Variants in SLC35D1 observed in about 807,000 individuals in gnomAD.
The protein encoded by SLC35D1 is nucleotide sugar transporter SLC35D1.
A neutral mutation model predicts 46.7 loss-of-function variants in SLC35D1; 31 were observed. The ratio of observed to expected loss-of-function variants is 0.66; its 90% CI spans 0.50 to 0.90. The LOEUF (loss-of-function observed/expected upper bound fraction) is 0.90. Among genes scored for constraint, SLC35D1 ranks in the 40% least tolerant of loss-of-function variants. The probability of loss-of-function intolerance (pLI) is 0.00; values close to 1 mark genes in which losing one functional copy is unlikely to be tolerated. For missense variants in SLC35D1, 397 were observed against 426.2 expected, an observed-to-expected ratio of 0.93 and a Z score of 0.60; for synonymous variants, 195 against 164.6, an observed-to-expected ratio of 1.18 and a Z score of -1.41.
the SLC35D1 span, among the ~76,000 whole-genome samples, chr1:66,975,475 G>T: frequency 3.9e-5 from 6 of 152,016 alleles, no homozygotes; most frequent in African/African-American, 1.4e-4. Flanking sequence ...TGCAGTTAGC[G>T]GTTTGGTGCC....
chr1:67,033,450 A>T (rs1233431058), intron 8 of SLC35D1, among the ~76,000 whole-genome samples: 2 of 152,040 alleles, frequency 1.3e-5, no homozygotes, highest in Non-Finnish European at 2.9e-5. Context: ...ATCTCATTGT[A>T]GTTTTGGTTT....
At chr1:67,018,392 C>CA (rs1428609845) in intron 10 of SLC35D1, among the ~76,000 whole-genome samples, 1 of 152,054 alleles carries the variant, frequency 6.6e-6, no homozygotes, top group South Asian at 2.1e-4. Flanking sequence ...CCATGCTGCT[C>CA]AAAATCAGAA....
At chr1:66,990,868 TGAAG>T in the SLC35D1 span, among the ~76,000 whole-genome samples, 1 of 152,206 alleles carries the variant, frequency 6.6e-6, no homozygotes, top group Non-Finnish European at 1.5e-5. Flanking sequence ...GTAAGCCTCC[TGAAG>T]GGGAGGGTCG....
chr1:66,989,257 T>C, the SLC35D1 span, among the ~76,000 whole-genome samples: 1 of 152,188 alleles, frequency 6.6e-6, no homozygotes, highest in East Asian at 1.9e-4. Flanking sequence ...GGACGCCTAA[T>C]GCAAATTTGG....
At position 67,038,386 on chromosome 1, in the gene SLC35D1, G is replaced by C. The variant is rs1039849211; in HGVS notation, c.729+3850C>G. Among the ~76,000 whole-genome samples the C allele has an allele frequency of 2.0e-5, 3 of 152,142 alleles. No homozygotes were observed. In the East Asian group the frequency reaches 5.8e-4, roughly 29 times the overall value. ...TAACTCCCCTAAACCATGTAATTTA[G>C]CCAGTGATATAATGGAGACATTATA... On this transcript the variant is annotated intron_variant, in intron 8 of 11. Transcript: ENST00000235345.
chr1:66,997,517 AAAAT>A (rs1270097355), downstream of SLC35D1, among the ~76,000 whole-genome samples: 9 of 24,164 alleles, frequency 3.7e-4, no homozygotes, highest in African/African-American at 9.2e-4. Context: ...AAAAAAAAAA[AAAAT>A]ATATATATAT....
the SLC35D1 span, chr1:66,982,047 C>CA: frequency 1.2e-6 from 1 of 844,210 alleles, no homozygotes; most frequent in Admixed American, 2.4e-5. Flanking sequence ...ACACATGAGA[C>CA]AAACATAACA....
intron 1 of SLC35D1, among the ~76,000 whole-genome samples, chr1:67,053,548 G>T (rs1645334375): frequency 6.6e-6 from 1 of 152,076 alleles, no homozygotes; most frequent in Non-Finnish European, 1.5e-5. Context: ...TTTTCGGGGC[G>T]GTGCGCCCAG....
chr1:67,022,429 G>C (rs1667826034), intron 8 of SLC35D1, among the ~76,000 whole-genome samples: 2 of 152,134 alleles, frequency 1.3e-5, no homozygotes, highest in African/African-American at 4.8e-5. Context: ...GCATGCCTTT[G>C]CCTGGAATGT....
Position 67,007,995 on chromosome 1 carries a change from G to A in SLC35D1, c.959+1090C>T, listed in dbSNP as rs111732278. Among the ~76,000 whole-genome samples the A allele has an allele frequency of 3.2e-3, 491 of 152,250 alleles. 6 individuals carry two copies. Among genetic ancestry groups the A allele is most frequent in the African/African-American group, 0.011 (465 of 41,536 alleles). ...TTTAAAAGTAGAACTCCTGGTATTAGTACTGGTCAACAAGATTTTCTTTTA... is the reference window on the plus strand; with the variant it reads ...TTTAAAAGTAGAACTCCTGGTATTAATACTGGTCAACAAGATTTTCTTTTA... On this transcript the variant is annotated intron_variant, in intron 11 of 11. Coordinates refer to ENST00000235345, the MANE Select transcript of SLC35D1 (RefSeq NM_015139.3).
chr1:66,977,712 T>C, the SLC35D1 span, among the ~76,000 whole-genome samples: 3 of 152,190 alleles, frequency 2.0e-5, no homozygotes, highest in African/African-American at 7.2e-5. Context: ...ACCCCTTGTC[T>C]TTCATGAATT....
chr1:66,975,595 A>G, the SLC35D1 span, among the ~76,000 whole-genome samples: 2 of 152,102 alleles, frequency 1.3e-5, no homozygotes, highest in African/African-American at 4.8e-5. Context: ...CTAAATCCTC[A>G]GTATTTTATA....
rs113235729 is a variant in SLC35D1, at chr1:67,010,135, G to A, written c.877-968C>T. On this transcript the variant is annotated intron_variant, in intron 10 of 11. Coordinates refer to ENST00000235345, the MANE Select transcript of SLC35D1 (RefSeq NM_015139.3). The stretch of plus-strand genomic sequence containing the variant: ...CACTTGAAAGTGGGAGCTAAACACC[G>A]AATATACATGGATACAAAGATGGGA... Among the ~76,000 whole-genome samples, 95 of 152,222 alleles carry A rather than the reference G, an allele frequency of 6.2e-4. 1 individual carries two copies. Among genetic ancestry groups the A allele is most frequent in the African/African-American group, 1.9e-3 (77 of 41,514 alleles).
chr1:66,984,858 C>A, the SLC35D1 span: 1 of 1,603,682 alleles, frequency 6.2e-7, no homozygotes, highest in Non-Finnish European at 8.5e-7. Flanking sequence ...AAGAAGCAGT[C>A]TCACATGGGA....
At chr1:66,992,081 A>C in the SLC35D1 span, among the ~76,000 whole-genome samples, 1 of 152,228 alleles carries the variant, frequency 6.6e-6, no homozygotes, top group Non-Finnish European at 1.5e-5. Flanking sequence ...CCTTGTGACT[A>C]GCGGTATTTC....
chr1:67,041,559 T>C (rs909126230), intron 8 of SLC35D1, among the ~76,000 whole-genome samples: 8 of 152,254 alleles, frequency 5.3e-5, no homozygotes. Flanking sequence ...CTTGCCATAA[T>C]TCTGGATTTC....
intron 8 of SLC35D1, among the ~76,000 whole-genome samples, chr1:67,030,647 C>A (rs1007277707): frequency 6.6e-6 from 1 of 151,864 alleles, no homozygotes; most frequent in African/African-American, 2.4e-5. Flanking sequence ...TTGGCAAAGA[C>A]CTCAAATAAA....
chr1:67,006,488 C>T (rs1667450019), intron 11 of SLC35D1, among the ~76,000 whole-genome samples: 1 of 152,142 alleles, frequency 6.6e-6, no homozygotes, highest in Non-Finnish European at 1.5e-5. Flanking sequence ...CTTCGCCTTC[C>T]CACAACAGCC....
intron 8 of SLC35D1, among the ~76,000 whole-genome samples, chr1:67,023,453 TC>T (rs1204876894): frequency 6.6e-6 from 1 of 151,906 alleles, no homozygotes; most frequent in African/African-American, 2.4e-5. Context: ...TAGCATTTCT[TC>T]TTTGGTGAAG....
Sources: allele counts gnomAD v4.1 joint callset (sites outside exome capture counted in the v4.1 genomes callset), GRCh38; gene constraint gnomAD v4.1.1; transcripts MANE v1.5; gene names NCBI Gene and HGNC (gene_info 2026-07-23, HGNC 2026-07-21).